TBC1D16: variants seen among roughly 807,000 people sequenced by gnomAD.
The protein encoded by TBC1D16 is TBC1 domain family member 16.
Under a neutral mutation model 74.7 loss-of-function variants are expected in TBC1D16, and 58 were observed. That is an observed-to-expected ratio of 0.78 (90% CI 0.63 to 0.97). The LOEUF (loss-of-function observed/expected upper bound fraction) is 0.97. Among genes scored for constraint, TBC1D16 ranks in the 50% least tolerant of loss-of-function variants. The probability of loss-of-function intolerance (pLI) is 0.00; values close to 1 mark genes in which losing one functional copy is unlikely to be tolerated. For missense variants in TBC1D16, 1,014 were observed against 1,079.5 expected (o/e 0.94, Z 0.85); for synonymous variants, 493 against 474.7 (o/e 1.04, Z -0.50).
chr17:79,937,737 T>C lies in TBC1D16; in HGVS notation c.*3122A>G, dbSNP rs1376744985. 6.6e-6 allele frequency: 1 copy of C among 152,314 alleles called. No homozygotes were observed. 9.4% of individuals were successfully genotyped at this position (152,314 alleles called of 1,614,324 possible). On this transcript the variant is annotated 3_prime_UTR_variant, in exon 12 of 12. Transcript: ENST00000310924. ...GCTCCTCGCTTCCTCCCCAGATCTC[T>C]GAGTGCTCACCCGACCCCCCAACCC... is the stretch of plus-strand genomic sequence containing the variant.
At position 80,007,176 on chromosome 17, in the gene TBC1D16, C is replaced by A. The variant is rs1049320933; in HGVS notation, c.779+2984G>T. Among the ~76,000 whole-genome samples, 15 of 152,338 alleles carry A rather than the reference C, an allele frequency of 9.8e-5. No individual in the cohort carries two copies. The highest frequency in any genetic ancestry group is 7.7e-4 in the East Asian group (4 of 5,170). ...ACACAGGCCTGAGGTGCGAGCCACACCGAGCCCGCGGCCATGTGGCCAAGA... is the reference window on the plus strand; with the variant it reads ...ACACAGGCCTGAGGTGCGAGCCACAACGAGCCCGCGGCCATGTGGCCAAGA... On this transcript the variant is annotated intron_variant, in intron 3 of 11. Transcript: ENST00000310924. This position sits in a 1 kb window ranked among gnomAD's most constrained non-coding sequence, Gnocchi z 4.5.
Position 79,985,048 on chromosome 17 carries a change from T to C in TBC1D16, c.779+25112A>G, listed in dbSNP as rs1251276866. Among the ~76,000 whole-genome samples, 2 of 152,176 alleles carry C rather than the reference T, an allele frequency of 1.3e-5. No homozygotes were observed. Among genetic ancestry groups the C allele is most frequent in the Non-Finnish European group, 2.9e-5 (2 of 68,044 alleles). ...TTGAAAACAACAGAAATGTATTGTC[T>C]GGCAGTTCTGGAGGTCAAAGTCAAG... On this transcript the variant is annotated intron_variant, in intron 3 of 11. Coordinates refer to ENST00000310924, the MANE Select transcript of TBC1D16 (RefSeq NM_019020.4). The surrounding 1 kb of genome is among the most constrained non-coding windows in gnomAD (Gnocchi z 4.9).
Position 79,947,842 on chromosome 17 carries a change from G to A in TBC1D16, c.1542-11C>T, listed in dbSNP as rs2032685460. On this transcript the variant is annotated splice_polypyrimidine_tract_variant and intron_variant, in intron 8 of 11. Transcript: ENST00000310924. ...TTCAGCAGGATCCTCCTGGGAGGCGGTGGAGACAGCAGTGGGTGGGGATGA... is the reference window on the plus strand; with the variant it reads ...TTCAGCAGGATCCTCCTGGGAGGCGATGGAGACAGCAGTGGGTGGGGATGA... 1 of 1,611,152 alleles carries A rather than the reference G, an allele frequency of 6.2e-7. No homozygotes were observed. The highest frequency in any genetic ancestry group is 1.1e-5 in the South Asian group (1 of 90,946).
chr17:80,022,011 CTT>C (rs1239782605), intron 1 of TBC1D16, among the ~76,000 whole-genome samples: 2 of 148,554 alleles, frequency 1.3e-5, no homozygotes, highest in Non-Finnish European at 3.0e-5. Flanking sequence ...AGGTTTAAAA[CTT>C]TTATGTAAAT....
intron 2 of TBC1D16, among the ~76,000 whole-genome samples, chr17:80,012,848 C>T (rs1006259033): frequency 1.5e-4 from 23 of 152,110 alleles, no homozygotes; most frequent in African/African-American, 5.6e-4. Context: ...CTTTTAGCAG[C>T]CAGGGAAGGG....
Position 79,980,621 on chromosome 17 carries a change from C to T in TBC1D16, c.780-27803G>A, listed in dbSNP as rs527248583. Among the ~76,000 whole-genome samples, 2 of 152,234 alleles carry T rather than the reference C, an allele frequency of 1.3e-5. No individual in the cohort carries two copies. Among genetic ancestry groups the T allele is most frequent in the African/African-American group, 2.4e-5 (1 of 41,526 alleles). On this transcript the variant is annotated intron_variant, in intron 3 of 11. Transcript: ENST00000310924. This position sits in a 1 kb window ranked among gnomAD's most constrained non-coding sequence, Gnocchi z 7.0. The stretch of plus-strand genomic sequence containing the variant: ...GAAGAGACACAGTGGGTGGCAGGAA[C>T]GGGGAACAGAAAGCCAGAACCTTCT...
At chr17:79,999,540 T>C (rs889881406) in intron 3 of TBC1D16, among the ~76,000 whole-genome samples, 2 of 124,044 alleles carry the variant, frequency 1.6e-5, no homozygotes, top group African/African-American at 6.2e-5. Context: ...TTTCTTTTTT[T>C]TTTTTTTTTT....
At chr17:80,018,625 T>C (rs545775966) in intron 1 of TBC1D16, among the ~76,000 whole-genome samples, 1 of 148,888 alleles carries the variant, frequency 6.7e-6, no homozygotes, top group Non-Finnish European at 1.5e-5. Flanking sequence ...TTTTTTTTTT[T>C]TAGAGACAGG....
chr17:80,011,773 C>A lies in TBC1D16; in HGVS notation c.182-1016G>T, dbSNP rs565177538. Among the ~76,000 whole-genome samples the A allele has an allele frequency of 3.9e-5, 6 of 151,906 alleles. No homozygotes were observed. The South Asian group carries it at 1.2e-3, about 32-fold the overall frequency. On this transcript the variant is annotated intron_variant, in intron 2 of 11. Coordinates refer to ENST00000310924, the MANE Select transcript of TBC1D16 (RefSeq NM_019020.4). Reference sequence around the variant, plus strand: ...CCCAGGAGACGGAGCTTGCAGTGAGCCGAGATTGCACCACTGCACTCCAGC... The same window carrying A: ...CCCAGGAGACGGAGCTTGCAGTGAGACGAGATTGCACCACTGCACTCCAGC...
At chr17:79,963,348 T>A (rs1461450261) in intron 3 of TBC1D16, among the ~76,000 whole-genome samples, 1 of 152,206 alleles carries the variant, frequency 6.6e-6, no homozygotes, top group Admixed American at 6.5e-5. Context: ...TACAGTATTG[T>A]CTTTTTGTGA....
At chr17:80,023,803 C>G (rs2036379408) in intron 1 of TBC1D16, 1 of 150,344 alleles carries the variant, frequency 6.7e-6, no homozygotes, top group Admixed American at 6.6e-5. Flanking sequence ...CTCCCAGGCC[C>G]AGCTGGCGCC....
At position 80,007,527 on chromosome 17, in the gene TBC1D16, G is replaced by A. The variant is rs927075912; in HGVS notation, c.779+2633C>T. 1.3e-5 allele frequency among the ~76,000 whole-genome samples: 2 copies of A among 152,206 alleles called. No individual in the cohort carries two copies. The highest frequency in any genetic ancestry group is 2.9e-5 in the Non-Finnish European group (2 of 68,040). Reference sequence around the variant, plus strand: ...TCCCAGCAGCTGGGGACGGACAGGCGGACAGGGTGTCTCAGTGGGGACTCG... The same window carrying A: ...TCCCAGCAGCTGGGGACGGACAGGCAGACAGGGTGTCTCAGTGGGGACTCG... On this transcript the variant is annotated intron_variant, in intron 3 of 11. Coordinates refer to ENST00000310924, the MANE Select transcript of TBC1D16 (RefSeq NM_019020.4). The surrounding 1 kb of genome is among the most constrained non-coding windows in gnomAD (Gnocchi z 4.5).
Position 79,940,782 on chromosome 17 carries a change from G to T in TBC1D16, c.*77C>A. The T allele has an allele frequency of 7.1e-7, 1 of 1,418,124 alleles. No homozygotes were observed. The highest frequency in any genetic ancestry group is 9.3e-7 in the Non-Finnish European group (1 of 1,075,608). 87.8% of individuals were successfully genotyped at this position (1,418,124 alleles called of 1,614,324 possible). On this transcript the variant is annotated 3_prime_UTR_variant, in exon 12 of 12. Coordinates refer to ENST00000310924, the MANE Select transcript of TBC1D16 (RefSeq NM_019020.4). This position sits in a 1 kb window ranked among gnomAD's most constrained non-coding sequence, Gnocchi z 5.4. ...TTCTACCGTCCCCTGTCCCCTTCAC[G>T]CCCAGCCCCACCCCCTCCCGTGCCC...
chr17:79,950,610 G>C lies in TBC1D16; in HGVS notation c.1090-32C>G. On this transcript the variant is annotated intron_variant, in intron 5 of 11. Transcript: ENST00000310924. The surrounding 1 kb of genome is among the most constrained non-coding windows in gnomAD (Gnocchi z 4.6). ...GGGAGGAAAACTGGGCAAAGGTCAG[G>C]ATCTCAGCCGCGCGGCTTCAGAGGC... 3.1e-6 allele frequency: 5 copies of C among 1,603,398 alleles called. No individual in the cohort carries two copies. Among genetic ancestry groups the C allele is most frequent in the Non-Finnish European group, 4.3e-6 (5 of 1,175,040 alleles).
rs185186599 is a variant in TBC1D16, at chr17:79,939,472, A to T, written c.*1387T>A. 5 of 152,316 alleles carry T rather than the reference A, an allele frequency of 3.3e-5. No homozygotes were observed. The East Asian group carries it at 9.7e-4, about 29-fold the overall frequency. 9.4% of individuals were successfully genotyped at this position (152,316 alleles called of 1,614,324 possible). A position where few individuals can be genotyped will look rare whatever the true frequency, so the allele number is the denominator to read the frequency against. ...TCCAGGGAGAAAAGCTTTGAGTGGG[A>T]AGAAGCCTTCTATCCTGGTCCCCAT... On this transcript the variant is annotated 3_prime_UTR_variant, in exon 12 of 12. Coordinates refer to ENST00000310924, the MANE Select transcript of TBC1D16 (RefSeq NM_019020.4).
Position 79,954,804 on chromosome 17 carries a change from C to T in TBC1D16, c.780-1986G>A, listed in dbSNP as rs559672892. ...GCCATCAGAGGGTGGTATCCTTTCC[C>T]GCCTCCTCCCCCAGCCTTCTTACCA... On this transcript the variant is annotated intron_variant, in intron 3 of 11. Transcript: ENST00000310924. The surrounding 1 kb of genome is among the most constrained non-coding windows in gnomAD (Gnocchi z 5.5). 3.3e-5 allele frequency among the ~76,000 whole-genome samples: 5 copies of T among 152,144 alleles called. No homozygotes were observed. Among genetic ancestry groups the T allele is most frequent in the Non-Finnish European group, 7.4e-5 (5 of 68,018 alleles).
intron 1 of TBC1D16, among the ~76,000 whole-genome samples, chr17:80,027,923 C>T (rs1470126114): frequency 6.7e-6 from 1 of 148,486 alleles, no homozygotes; most frequent in Non-Finnish European, 1.5e-5. Flanking sequence ...AGAGAAGCAG[C>T]TAAGGGTAGA....
At chr17:80,030,737 C>G (rs2036747346) in intron 1 of TBC1D16, among the ~76,000 whole-genome samples, 1 of 152,206 alleles carries the variant, frequency 6.6e-6, no homozygotes, top group Non-Finnish European at 1.5e-5. Context: ...AGGGACGCAG[C>G]CCATGCCCAC....
chr17:79,969,482 A>T (rs986153109), intron 3 of TBC1D16, among the ~76,000 whole-genome samples: 1 of 152,200 alleles, frequency 6.6e-6, no homozygotes, highest in Non-Finnish European at 1.5e-5. Flanking sequence ...GGGAAATAAT[A>T]AGTGTTGGTG....
Sources: allele counts gnomAD v4.1 joint callset (sites outside exome capture counted in the v4.1 genomes callset), GRCh38; gene constraint gnomAD v4.1.1; non-coding constraint Gnocchi (gnomAD v3.1); transcripts MANE v1.5; gene names NCBI Gene and HGNC (gene_info 2026-07-23, HGNC 2026-07-21).